Variants in PTPRD observed in about 807,000 individuals in gnomAD.
PTPRD encodes receptor-type tyrosine-protein phosphatase delta.
Under a neutral mutation model 214.5 loss-of-function variants are expected in PTPRD, and 34 were observed. The observed-to-expected ratio is 0.16, with a 90% CI of 0.12 to 0.21. The LOEUF (loss-of-function observed/expected upper bound fraction) is 0.21, where lower values mean the gene tolerates loss of function less well. PTPRD is among the 10% of genes least tolerant of loss of function. PTPRD has a pLI of 1.00. For missense variants in PTPRD, 2,545 were observed against 2,398.7 expected (o/e 1.06, Z -1.27); for synonymous variants, 1,128 against 845.7 (o/e 1.33, Z -5.79).
intron 7 of PTPRD, among the ~76,000 whole-genome samples, chr9:9,618,475 A>G (rs1266526491): frequency 6.6e-6 from 1 of 152,192 alleles, no homozygotes; most frequent in African/African-American, 2.4e-5. Flanking sequence ...AGTTGAGAAC[A>G]TGAGCTATGG....
intron 11 of PTPRD, among the ~76,000 whole-genome samples, chr9:8,824,192 T>C (rs1368645050): frequency 1.3e-5 from 2 of 152,192 alleles, no homozygotes; most frequent in East Asian, 3.9e-4. Flanking sequence ...AATGCCTTAA[T>C]CGTCTGGGAA....
chr9:8,380,546 G>A (rs10977017), intron 37 of PTPRD, among the ~76,000 whole-genome samples: 42,930 of 152,054 alleles, frequency 0.28, 7,262 homozygotes, highest in East Asian at 0.55. Context: ...CCCTTAAGTG[G>A]AGCTTTCATT....
chr9:8,828,206 C>T (rs567970959), intron 11 of PTPRD, among the ~76,000 whole-genome samples: 1 of 152,156 alleles, frequency 6.6e-6, no homozygotes, highest in Non-Finnish European at 1.5e-5. Context: ...TGTGTTTAAA[C>T]ATGACTATGC....
chr9:8,979,842 A>G (rs2099298766), intron 11 of PTPRD, among the ~76,000 whole-genome samples: 1 of 152,110 alleles, frequency 6.6e-6, no homozygotes, highest in Admixed American at 6.6e-5. Context: ...TAAACAAATT[A>G]CAGCAATTCC....
intron 7 of PTPRD, among the ~76,000 whole-genome samples, chr9:9,717,409 G>A (rs1224043601): frequency 6.6e-6 from 1 of 152,138 alleles, no homozygotes; most frequent in Non-Finnish European, 1.5e-5. Context: ...TAGCTTGATG[G>A]GGATGGTATT....
chr9:9,110,624 C>A (rs2099804731), intron 10 of PTPRD, among the ~76,000 whole-genome samples: 1 of 152,012 alleles, frequency 6.6e-6, no homozygotes, highest in Non-Finnish European at 1.5e-5. Context: ...TACTTCTTAC[C>A]CACCCATCAA....
At chr9:10,072,583 C>T (rs1184840875) in intron 3 of PTPRD, among the ~76,000 whole-genome samples, 1 of 152,046 alleles carries the variant, frequency 6.6e-6, no homozygotes, top group Non-Finnish European at 1.5e-5. Flanking sequence ...CTTATTTGTC[C>T]CCTCCCATGT....
At chr9:10,186,079 T>A (rs544828775) in intron 3 of PTPRD, among the ~76,000 whole-genome samples, 3 of 135,046 alleles carry the variant, frequency 2.2e-5, no homozygotes, top group African/African-American at 1.0e-4. Context: ...ATGCTAGAAA[T>A]AAACAATATT....
chr9:10,334,483 G>C (rs559229074), intron 3 of PTPRD, among the ~76,000 whole-genome samples: 1 of 149,736 alleles, frequency 6.7e-6, no homozygotes, highest in South Asian at 2.1e-4. Context: ...AGAAGCTCGA[G>C]GCTTTCTTTC....
chr9:10,275,099 C>T (rs141241241), intron 3 of PTPRD, among the ~76,000 whole-genome samples: 2 of 152,142 alleles, frequency 1.3e-5, no homozygotes, highest in African/African-American at 4.8e-5. Flanking sequence ...TGTGCAAACT[C>T]TTGTCTTCAC....
At chr9:10,573,970 A>G (rs2068302840) in intron 2 of PTPRD, among the ~76,000 whole-genome samples, 1 of 152,134 alleles carries the variant, frequency 6.6e-6, no homozygotes, top group African/African-American at 2.4e-5. Context: ...TAAACCCAGG[A>G]CAGTGAAGCA....
chr9:10,191,383 C>T (rs938090278), intron 3 of PTPRD, among the ~76,000 whole-genome samples: 2 of 152,032 alleles, frequency 1.3e-5, no homozygotes, highest in African/African-American at 4.8e-5. Context: ...ATTACTGCTA[C>T]AGCTACTACT....
At chr9:9,319,937 A>G (rs1023785122) in intron 9 of PTPRD, among the ~76,000 whole-genome samples, 4 of 152,158 alleles carry the variant, frequency 2.6e-5, no homozygotes, top group African/African-American at 9.6e-5. Context: ...TAACAATAGT[A>G]AAGTGAAATA....
At chr9:10,016,384 G>GATAC (rs2096714845) in intron 4 of PTPRD, among the ~76,000 whole-genome samples, 1 of 137,864 alleles carries the variant, frequency 7.3e-6, no homozygotes. Flanking sequence ...TAGATAGATA[G>GATAC]ATAGATAGAT....
chr9:10,373,734 C>G (rs141136001), intron 2 of PTPRD, among the ~76,000 whole-genome samples: 178 of 152,208 alleles, frequency 1.2e-3, no homozygotes, highest in African/African-American at 3.6e-3. Context: ...GACATACCAC[C>G]TTTACGCCTT....
At chr9:8,860,548 G>A (rs948674850) in intron 11 of PTPRD, 4 of 152,134 alleles carry the variant, frequency 2.6e-5, no homozygotes, top group Non-Finnish European at 5.9e-5. Flanking sequence ...CTGAAAAACG[G>A]GAGATACAGC....
chr9:9,977,785 G>A (rs1427760023), intron 4 of PTPRD, among the ~76,000 whole-genome samples: 1 of 152,066 alleles, frequency 6.6e-6, no homozygotes, highest in Admixed American at 6.6e-5. Context: ...GGGTTTATTT[G>A]ATTGTGGTTA....
At chr9:8,648,747 T>C (rs2096746019) in intron 12 of PTPRD, among the ~76,000 whole-genome samples, 1 of 152,202 alleles carries the variant, frequency 6.6e-6, no homozygotes, top group Admixed American at 6.5e-5. Flanking sequence ...CTTATCAGCT[T>C]TTTTCATATT....
intron 8 of PTPRD, among the ~76,000 whole-genome samples, chr9:9,534,438 G>A (rs1767293210): frequency 6.6e-6 from 1 of 151,992 alleles, no homozygotes; most frequent in African/African-American, 2.4e-5. Context: ...GCACAATTGG[G>A]AAATAGGATG....
Sources: gnomAD v4.1 joint callset for allele counts (sites outside exome capture counted in the v4.1 genomes callset) on GRCh38, gnomAD v4.1.1 for gene constraint, MANE v1.5 for transcripts, NCBI Gene and HGNC (gene_info 2026-07-23, HGNC 2026-07-21) for gene names.